The following NIPSNAP3A variants were observed in gnomAD, a reference collection of about 807,000 sequenced individuals.
NIPSNAP3A encodes the protein nipsnap homolog 3A.
A neutral mutation model predicts 32.3 loss-of-function variants in NIPSNAP3A; 27 were observed. The observed-to-expected ratio is 0.84, with a 90% CI of 0.62 to 1.15. The LOEUF (loss-of-function observed/expected upper bound fraction) is 1.15. NIPSNAP3A is among the 50% of genes most tolerant of loss of function. NIPSNAP3A has a pLI of 0.00. For missense variants in NIPSNAP3A, 278 were observed against 297.2 expected (o/e 0.94, Z 0.48); for synonymous variants, 108 against 107.3 (o/e 1.01, Z -0.04).
chr9:104,749,938 T>C (rs1265723024), intron 1 of NIPSNAP3A, among the ~76,000 whole-genome samples: 1 of 152,222 alleles, frequency 6.6e-6, no homozygotes, highest in Non-Finnish European at 1.5e-5. Context: ...TTTCTCAGCA[T>C]TCATGTTCTA....
chr9:104,752,725 T>C (rs1827860411), intron 2 of NIPSNAP3A, among the ~76,000 whole-genome samples, 181 bp from the exon 3 acceptor site: 1 of 152,210 alleles, frequency 6.6e-6, no homozygotes, highest in African/African-American at 2.4e-5. Context: ...TCTACTGCCC[T>C]TTTTGTCCTT....
At chr9:104,753,103 A>G in intron 3 of NIPSNAP3A, 39 bp downstream of exon 3, 1 of 1,539,026 alleles carries the variant, frequency 6.5e-7, no homozygotes, top group South Asian at 1.1e-5. Flanking sequence ...TTTGATGAAT[A>G]AAATACTAAA....
At chr9:104,748,577 T>C (rs1827807187) in intron 1 of NIPSNAP3A, among the ~76,000 whole-genome samples, 1 of 152,236 alleles carries the variant, frequency 6.6e-6, no homozygotes, top group African/African-American at 2.4e-5. Flanking sequence ...GCCTATTCTG[T>C]GGCTTCAACC....
chr9:104,747,688 G>A lies in NIPSNAP3A; in HGVS notation c.-105G>A. On this transcript the variant is annotated 5_prime_UTR_variant, in exon 1 of 6. Coordinates refer to ENST00000374767, the MANE Select transcript of NIPSNAP3A (RefSeq NM_015469.3). ...ACCCCGCCGAGCCCCGCCCCAGCCT[G>A]CGTCTGCCAATGATCCAGGAGCCGC... The A allele has an allele frequency of 3.3e-6, 4 of 1,209,400 alleles. No homozygotes were observed. Among genetic ancestry groups the A allele is most frequent in the Non-Finnish European group, 4.8e-6 (4 of 841,244 alleles). The allele number at this position is 1,209,400 out of a possible 1,614,324, so 74.9% of individuals were successfully genotyped here. A position where few individuals can be genotyped will look rare whatever the true frequency, so the allele number is the denominator to read the frequency against.
intron 1 of NIPSNAP3A, among the ~76,000 whole-genome samples, chr9:104,750,714 C>T (rs758232980): frequency 2.6e-5 from 4 of 152,158 alleles, no homozygotes; most frequent in South Asian, 2.1e-4. Context: ...CTTTCATTTT[C>T]AATAGATCTC....
intron 3 of NIPSNAP3A, 55 bp downstream of exon 3, chr9:104,753,119 TA>T: frequency 7.0e-7 from 1 of 1,425,962 alleles, no homozygotes; most frequent in Non-Finnish European, 9.9e-7. Flanking sequence ...CTAAAGAACT[TA>T]AGTGATCAAA....
chr9:104,748,461 G>C (rs1051405098), intron 1 of NIPSNAP3A, among the ~76,000 whole-genome samples: 4 of 152,188 alleles, frequency 2.6e-5, no homozygotes, highest in Non-Finnish European at 5.9e-5. Flanking sequence ...AACCAGGCGG[G>C]ACCGGAGCCT....
In NIPSNAP3A at chr9:104,751,172, G is replaced by C. The variant is rs1207666575; in HGVS notation, c.271+6G>C. 7.4e-6 allele frequency: 12 copies of C among 1,611,328 alleles called. No homozygotes were observed. The highest frequency in any genetic ancestry group is 5.5e-5 in the South Asian group (5 of 90,980). ...GTTTCATATTTGGAAGTATGGTAAA[G>C]AGTCATCCAATTTTGGCTTTCAGTA... On this transcript the variant is annotated splice_donor_region_variant and intron_variant, in intron 2 of 5. Transcript: ENST00000374767.
chr9:104,747,805 A>G lies in NIPSNAP3A; in HGVS notation c.13A>G (p.Arg5Gly). ...CCGAAGCCGCGCCATGCTCGTCCTC[A>G]GAAGCGCCCTGACTCGGGCGCTGGC... is the stretch of plus-strand genomic sequence containing the variant. MLVL[R>G]SALTRALASR... Residue 5 changes from arginine (R) to glycine (G), a missense_variant, in exon 1 of 6, where the codon AGA becomes GGA. Coordinates refer to ENST00000374767, the MANE Select transcript of NIPSNAP3A (RefSeq NM_015469.3). 1 of 1,609,414 alleles carries G rather than the reference A, an allele frequency of 6.2e-7. No homozygotes were observed. The highest frequency in any genetic ancestry group is 8.5e-7 in the Non-Finnish European group (1 of 1,179,128).
At chr9:104,755,190 A>C (rs1827892303) in intron 4 of NIPSNAP3A, among the ~76,000 whole-genome samples, 3 of 152,094 alleles carry the variant, frequency 2.0e-5, no homozygotes, top group Admixed American at 2.0e-4. Context: ...GCAATGAGCC[A>C]AAATCGTGCC....
chr9:104,747,953 C>A, intron 1 of NIPSNAP3A, 101 bp downstream of exon 1: 4 of 1,194,248 alleles, frequency 3.3e-6, no homozygotes, highest in Non-Finnish European at 4.6e-6. Flanking sequence ...GCGCTCTCCG[C>A]CACGCGCGCC....
At chr9:104,752,130 C>T (rs1479419095) in intron 2 of NIPSNAP3A, among the ~76,000 whole-genome samples, 1 of 151,962 alleles carries the variant, frequency 6.6e-6, no homozygotes, top group East Asian at 1.9e-4. Flanking sequence ...CCATATGAAC[C>T]TCTCTTGCCA....
intron 4 of NIPSNAP3A, among the ~76,000 whole-genome samples, chr9:104,756,897 T>C (rs991290294): frequency 1.3e-5 from 2 of 150,910 alleles, no homozygotes; most frequent in Non-Finnish European, 3.0e-5. Context: ...TCCGCCTCCT[T>C]GGTTCAGGCG....
chr9:104,756,861 A>G (rs1027429279), intron 4 of NIPSNAP3A, among the ~76,000 whole-genome samples: 60 of 139,514 alleles, frequency 4.3e-4, no homozygotes, highest in African/African-American at 1.6e-3. Context: ...TGTGGAGTGC[A>G]GGTACGATCT....
At chr9:104,758,870 T>G (rs1827937735) in intron 4 of NIPSNAP3A, among the ~76,000 whole-genome samples, 1 of 146,934 alleles carries the variant, frequency 6.8e-6, no homozygotes, top group Non-Finnish European at 1.5e-5. Flanking sequence ...CTCAGGAGGC[T>G]GAGGCAGGAG....
intron 1 of NIPSNAP3A, among the ~76,000 whole-genome samples, chr9:104,749,588 T>C (rs1376409347): frequency 6.6e-6 from 1 of 152,204 alleles, no homozygotes; most frequent in Non-Finnish European, 1.5e-5. Flanking sequence ...CACATGCTAT[T>C]CAAACTTAAG....
intron 3 of NIPSNAP3A, among the ~76,000 whole-genome samples, chr9:104,753,288 T>G (rs970678686): frequency 3.3e-5 from 5 of 152,192 alleles, no homozygotes; most frequent in African/African-American, 1.2e-4. Context: ...CCTTGCAGAT[T>G]TGTAAAGCTT....
In NIPSNAP3A at chr9:104,753,173, T is replaced by TA. The variant is rs1827867238; in HGVS notation, c.430+110dup. 10 of 910,890 alleles carry TA rather than the reference T, an allele frequency of 1.1e-5. No individual in the cohort carries two copies. The Admixed American group carries it at 1.4e-4, about 13-fold the overall frequency. 56.4% of individuals were successfully genotyped at this position (910,890 alleles called of 1,614,324 possible). A position where few individuals can be genotyped will look rare whatever the true frequency, so the allele number is the denominator to read the frequency against. On this transcript the variant is annotated intron_variant, in intron 3 of 5. Transcript: ENST00000374767. ...AAAAAATAAAATTAATTCTTTGTTT[T>TA]ATATAGAAACATACAGTGATTGTTG...
intron 1 of NIPSNAP3A, among the ~76,000 whole-genome samples, chr9:104,749,043 C>G (rs937064267): frequency 2.0e-5 from 3 of 152,214 alleles, no homozygotes; most frequent in African/African-American, 7.2e-5. Context: ...CCCTCTCTCA[C>G]TGTAGGTTCC....
Sources: gnomAD v4.1 joint callset for allele counts (sites outside exome capture counted in the v4.1 genomes callset) on GRCh38, gnomAD v4.1.1 for gene constraint, MANE v1.5 for transcripts, NCBI Gene and HGNC (gene_info 2026-07-23, HGNC 2026-07-21) for gene names.